Variants in SMAD7 observed in about 807,000 individuals in gnomAD.
SMAD7 encodes SMAD family member 7, also known as MAD (mothers against decapentaplegic, Drosophila) homolog 7.
SMAD7 carries 8 observed loss-of-function variants against 38.7 expected under a neutral mutation model. That is an observed-to-expected ratio of 0.21 (90% confidence interval 0.12 to 0.37). The LOEUF (loss-of-function observed/expected upper bound fraction) is 0.37, where lower values mean the gene tolerates loss of function less well. Among genes scored for constraint, SMAD7 ranks in the 10% least tolerant of loss-of-function variants. The probability of loss-of-function intolerance (pLI) is 1.00; values close to 1 mark genes in which losing one functional copy is unlikely to be tolerated. For missense variants in SMAD7, 477 were observed against 577.9 expected (o/e 0.83, Z 1.79); for synonymous variants, 327 against 265.1 (o/e 1.23, Z -2.27).
intron 3 of SMAD7, among the ~76,000 whole-genome samples, chr18:48,935,118 G>A (rs1447702446): frequency 2.0e-5 from 3 of 152,110 alleles, no homozygotes; most frequent in East Asian, 1.9e-4. Flanking sequence ...CACCTTCCAC[G>A]GGAGTGGAAG....
chr18:48,932,591 T>C (rs2070015498), intron 3 of SMAD7, among the ~76,000 whole-genome samples: 1 of 152,090 alleles, frequency 6.6e-6, no homozygotes, highest in Non-Finnish European at 1.5e-5. Context: ...AGAAGAGTAA[T>C]TCAATTAGTG....
intron 3 of SMAD7, among the ~76,000 whole-genome samples, chr18:48,926,269 C>A (rs4998834): frequency 6.6e-6 from 1 of 152,130 alleles, no homozygotes; most frequent in Admixed American, 6.5e-5. Flanking sequence ...ACACAAAGAA[C>A]GTACTTGTGG....
intron 3 of SMAD7, among the ~76,000 whole-genome samples, chr18:48,924,080 G>A (rs762378998): frequency 6.6e-6 from 1 of 152,158 alleles, no homozygotes; most frequent in Non-Finnish European, 1.5e-5. Flanking sequence ...GCCCTCTTCC[G>A]GGAGGCACAG....
At chr18:48,948,961 C>T (rs994355008) in intron 1 of SMAD7, among the ~76,000 whole-genome samples, 1 of 152,238 alleles carries the variant, frequency 6.6e-6, no homozygotes, top group Non-Finnish European at 1.5e-5. Context: ...GGGGTGAACC[C>T]TCACATCACA....
Position 48,927,680 on chromosome 18 carries a change from G to A in SMAD7, c.743-5770C>T, listed in dbSNP as rs185807094. ...AGCTTGTGGAGAGTGCTGCACACAC[G>A]TTGGTCTCATCTCTGAGGCTCCTGG... On this transcript the variant is annotated intron_variant, in intron 3 of 3. Coordinates refer to ENST00000262158, the MANE Select transcript of SMAD7 (RefSeq NM_005904.4). Among the ~76,000 whole-genome samples, 24 of 152,288 alleles carry A rather than the reference G, an allele frequency of 1.6e-4. 1 individual carries two copies. The highest frequency in any genetic ancestry group is 4.8e-4 in the African/African-American group (20 of 41,556).
chr18:48,929,569 T>TCTCTCTCTCA (rs3082710), intron 3 of SMAD7, among the ~76,000 whole-genome samples: 1 of 114,558 alleles, frequency 8.7e-6, no homozygotes, highest in African/African-American at 3.5e-5. Flanking sequence ...TCTCTCTCTC[T>TCTCTCTCTCA]CACTCACACA....
chr18:48,926,286 G>A (rs914013641), intron 3 of SMAD7, among the ~76,000 whole-genome samples: 1 of 152,098 alleles, frequency 6.6e-6, no homozygotes, highest in African/African-American at 2.4e-5. Flanking sequence ...GTGGGGAGGG[G>A]GTCCCCCAAG....
At chr18:48,925,443 A>ACCCC (rs1443202176) in intron 3 of SMAD7, among the ~76,000 whole-genome samples, 3 of 122,398 alleles carry the variant, frequency 2.5e-5, no homozygotes, top group Non-Finnish European at 5.4e-5. Flanking sequence ...CCCCCCCCCA[A>ACCCC]CCTTCCCCAT....
chr18:48,948,888 C>T (rs1490407910), intron 1 of SMAD7, among the ~76,000 whole-genome samples: 2 of 152,262 alleles, frequency 1.3e-5, no homozygotes, highest in African/African-American at 2.4e-5. Flanking sequence ...GCTGCCCATT[C>T]CTAGCGCACT....
intron 3 of SMAD7, among the ~76,000 whole-genome samples, chr18:48,927,824 G>C (rs1457828391): frequency 6.6e-6 from 1 of 152,178 alleles, no homozygotes; most frequent in East Asian, 1.9e-4. Flanking sequence ...ACTTTGCATA[G>C]GCTGTGTTCT....
chr18:48,922,747 G>A (rs570130743), intron 3 of SMAD7, among the ~76,000 whole-genome samples: 39 of 151,918 alleles, frequency 2.6e-4, no homozygotes, highest in South Asian at 8.3e-4. Flanking sequence ...CTTCTCTGCC[G>A]GCACCCCCAT....
At chr18:48,949,349 G>C in intron 1 of SMAD7, 1 of 857,296 alleles carries the variant, frequency 1.2e-6, no homozygotes, top group Non-Finnish European at 1.4e-6. Flanking sequence ...AGTAAATACG[G>C]AGACCTTCCA....
rs1234480242 is a variant in SMAD7, at chr18:48,921,571, A to C, written c.1082T>G (p.Phe361Cys). ...GAAAGCCTTGATGGAGAAACCGGGGAACACCTTGTGTACCAACAGCGTCCT... is the reference window on the plus strand; with the variant it reads ...GAAAGCCTTGATGGAGAAACCGGGGCACACCTTGTGTACCAACAGCGTCCT... ...DSRTLLVHKV[F>C]PGFSIKAFDY... The change falls in exon 4 of 4, where the codon TTC becomes TGC. Residue 361 changes from phenylalanine to cysteine, a missense_variant. Transcript: ENST00000262158. This position sits in a 1 kb window ranked among gnomAD's most constrained non-coding sequence, Gnocchi z 6.4. 1 of 1,614,196 alleles carries C rather than the reference A, an allele frequency of 6.2e-7. No homozygotes were observed. The highest frequency in any genetic ancestry group is 1.1e-5 in the South Asian group (1 of 91,088).
At chr18:48,932,465 C>T (rs1376668482) in intron 3 of SMAD7, among the ~76,000 whole-genome samples, 1 of 152,324 alleles carries the variant, frequency 6.6e-6, no homozygotes, top group East Asian at 1.9e-4. Context: ...AAAGTCCCGA[C>T]TTTGCAAGAT....
chr18:48,934,669 C>T (rs1023034875), intron 3 of SMAD7, among the ~76,000 whole-genome samples: 2 of 151,910 alleles, frequency 1.3e-5, no homozygotes, highest in African/African-American at 2.4e-5. Flanking sequence ...TGAAGGTGAC[C>T]CTTCTGGTAA....
Position 48,921,531 on chromosome 18 carries a change from C to G in SMAD7, c.1122G>C (p.Ala374=), listed in dbSNP as rs573742754. The G allele has an allele frequency of 1.2e-6, 2 of 1,614,106 alleles. No individual in the cohort carries two copies. The highest frequency in any genetic ancestry group is 2.7e-5 in the African/African-American group (2 of 74,932). Residue 374 remains alanine, a synonymous_variant, in exon 4 of 4, where the codon GCG becomes GCC. Coordinates refer to ENST00000262158, the MANE Select transcript of SMAD7 (RefSeq NM_005904.4). This position sits in a 1 kb window ranked among gnomAD's most constrained non-coding sequence, Gnocchi z 6.4. ...GGTCATTGGGCCGCTGCAGGCTGTA[C>G]GCCTTCTCGTAGTCGAAAGCCTTGA... ...FSIKAFDYEK[A]YSLQRPNDHE...
At chr18:48,944,300 G>A (rs1214331507) in intron 2 of SMAD7, among the ~76,000 whole-genome samples, 3 of 152,140 alleles carry the variant, frequency 2.0e-5, no homozygotes, top group African/African-American at 4.8e-5. Context: ...AGAATCCCAG[G>A]GGCAAGGTGT....
chr18:48,943,287 A>G (rs1158232715), intron 2 of SMAD7, among the ~76,000 whole-genome samples: 2 of 152,186 alleles, frequency 1.3e-5, no homozygotes, highest in South Asian at 2.1e-4. Context: ...CTCAGTTCCT[A>G]TAAAACATTT....
intron 3 of SMAD7, among the ~76,000 whole-genome samples, chr18:48,927,679 C>T (rs967126095): frequency 2.6e-5 from 4 of 152,208 alleles, no homozygotes; most frequent in Admixed American, 2.0e-4. Context: ...GCTGCACACA[C>T]GTTGGTCTCA....
Sources: gnomAD v4.1 joint callset for allele counts (sites outside exome capture counted in the v4.1 genomes callset) on GRCh38, gnomAD v4.1.1 for gene constraint, Gnocchi (gnomAD v3.1) non-coding constraint, MANE v1.5 for transcripts, NCBI Gene and HGNC (gene_info 2026-07-23, HGNC 2026-07-21) for gene names.